The following TMEM181 variants were observed in gnomAD, a reference collection of about 807,000 sequenced individuals.
TMEM181 encodes transmembrane protein 181.
TMEM181 carries 39 observed loss-of-function variants against 71.9 expected under a neutral mutation model. The ratio of observed to expected loss-of-function variants is 0.54; its 90% CI spans 0.42 to 0.71. The LOEUF is 0.71. Ranked by LOEUF, TMEM181 falls within the 30% of genes least tolerant of loss-of-function variation. TMEM181 has a pLI of 0.00. For synonymous variants in TMEM181, 245 were observed against 228.8 expected (o/e 1.07, Z -0.64); for missense variants, 595 against 583.0 (o/e 1.02, Z -0.21).
chr6:158,565,020 G>A (rs139313990), intron 1 of TMEM181, among the ~76,000 whole-genome samples: 110 of 152,306 alleles, frequency 7.2e-4, no homozygotes, highest in Non-Finnish European at 1.1e-3. Flanking sequence ...TGCGGAGACC[G>A]AGATGAAGGT....
chr6:158,624,697 A>T (rs1391359378), intron 11 of TMEM181, among the ~76,000 whole-genome samples: 3 of 152,218 alleles, frequency 2.0e-5, no homozygotes, highest in Non-Finnish European at 4.4e-5. Flanking sequence ...CGGCGCGTGG[A>T]TTCCCAGGGC....
intron 7 of TMEM181, 88 bp downstream of exon 7, chr6:158,605,435 T>C: frequency 8.2e-7 from 1 of 1,225,362 alleles, no homozygotes; most frequent in Non-Finnish European, 1.2e-6. Context: ...GCAAGCCACA[T>C]GGAGATTGAT....
chr6:158,546,784 A>T (rs574750943), intron 1 of TMEM181, among the ~76,000 whole-genome samples: 2 of 149,794 alleles, frequency 1.3e-5, no homozygotes, highest in Admixed American at 1.3e-4. Context: ...ATGGTGTGAA[A>T]CCCCATCTCT....
intron 9 of TMEM181, 65 bp downstream of exon 9, chr6:158,608,528 A>T: frequency 6.2e-7 from 1 of 1,612,008 alleles, no homozygotes; most frequent in Non-Finnish European, 8.5e-7. Flanking sequence ...CCGAACTCTG[A>T]GGACAGCCCA....
intron 6 of TMEM181, among the ~76,000 whole-genome samples, chr6:158,599,144 C>T (rs1441271748): frequency 6.6e-6 from 1 of 152,200 alleles, no homozygotes; most frequent in Non-Finnish European, 1.5e-5. Flanking sequence ...GCCAAAGAGC[C>T]AGTCAGCTCC....
chr6:158,625,564 C>A, intron 12 of TMEM181, 139 bp from the exon 13 acceptor site: 1 of 744,614 alleles, frequency 1.3e-6, no homozygotes, highest in Non-Finnish European at 2.2e-6. Context: ...TTCTCCTAGG[C>A]TGCTGGCGAC....
intron 1 of TMEM181, among the ~76,000 whole-genome samples, chr6:158,554,035 T>C (rs1190109282): frequency 1.3e-5 from 2 of 150,622 alleles, no homozygotes; most frequent in Non-Finnish European, 3.0e-5. Flanking sequence ...TCCTCCCGAG[T>C]AGCTGGGATT....
upstream of TMEM181, among the ~76,000 whole-genome samples, chr6:158,557,195 T>G (rs568652861): frequency 8.6e-4 from 131 of 152,258 alleles, 3 homozygotes; most frequent in South Asian, 0.025. Flanking sequence ...GACAACATAG[T>G]GAAACCTTGT....
intron 8 of TMEM181, among the ~76,000 whole-genome samples, chr6:158,608,114 G>C (rs1237952763): frequency 6.6e-6 from 1 of 152,226 alleles, no homozygotes; most frequent in South Asian, 2.1e-4. Context: ...TCTGACCAGG[G>C]AGAAAAGCTG....
chr6:158,537,209 G>A (rs1427077647), intron 1 of TMEM181, among the ~76,000 whole-genome samples: 1 of 152,018 alleles, frequency 6.6e-6, no homozygotes, highest in Non-Finnish European at 1.5e-5. Flanking sequence ...GCCCCGCGTC[G>A]TTCTCCCCCC....
At chr6:158,537,144 A>G (rs6901163) in intron 1 of TMEM181, among the ~76,000 whole-genome samples, 76,733 of 151,778 alleles carry the variant, frequency 0.51, 19,687 homozygotes, top group East Asian at 0.57. Context: ...GCTGAAACCC[A>G]AGCCGAGGCT....
intron 12 of TMEM181, 132 bp from the exon 13 acceptor site, chr6:158,625,571 C>T (rs1012677989): frequency 1.6e-5 from 13 of 802,796 alleles, no homozygotes; most frequent in South Asian, 3.7e-5. Flanking sequence ...AGGCTGCTGG[C>T]GACTCCGGCT....
chr6:158,587,002 C>T (rs1397149731), intron 5 of TMEM181, among the ~76,000 whole-genome samples: 1 of 152,178 alleles, frequency 6.6e-6, no homozygotes, highest in African/African-American at 2.4e-5. Flanking sequence ...AATCTGCTCT[C>T]TTCCTATCCG....
intron 8 of TMEM181, among the ~76,000 whole-genome samples, chr6:158,607,842 C>T (rs1410510141): frequency 3.3e-5 from 5 of 152,174 alleles, no homozygotes. Context: ...GGCGGCTGTT[C>T]GGTAGTTAAA....
intron 4 of TMEM181, 57 bp from the exon 5 acceptor site, chr6:158,585,246 CT>C: frequency 6.6e-7 from 1 of 1,504,826 alleles, no homozygotes; most frequent in Admixed American, 2.3e-5. Flanking sequence ...AGGAAGGCAC[CT>C]TTGTAGGTGT....
intron 1 of TMEM181, among the ~76,000 whole-genome samples, chr6:158,550,572 C>T (rs1781688024): frequency 6.6e-6 from 1 of 151,736 alleles, no homozygotes; most frequent in South Asian, 2.1e-4. Context: ...AAGATAATTG[C>T]TTGAACTTGG....
At chr6:158,556,942 G>C (rs928923032), upstream of TMEM181, among the ~76,000 whole-genome samples, 1 of 151,982 alleles carries the variant, frequency 6.6e-6, no homozygotes, top group African/African-American at 2.4e-5. Flanking sequence ...TTTGTATTTT[G>C]TTGGCCAAGC....
At chr6:158,577,908 T>C (rs555703329) in intron 2 of TMEM181, among the ~76,000 whole-genome samples, 9 of 152,152 alleles carry the variant, frequency 5.9e-5, no homozygotes, top group Admixed American at 5.2e-4. Context: ...CTGACCAAGG[T>C]GGAGAAACCC....
intron 4 of TMEM181, 51 bp from the exon 5 acceptor site, chr6:158,585,253 G>C (rs200928050): frequency 1.6e-5 from 25 of 1,524,178 alleles, no homozygotes; most frequent in Non-Finnish European, 2.2e-5. Flanking sequence ...CACCTTTGTA[G>C]GTGTGATGTG....
Sources: gnomAD v4.1 joint callset for allele counts (sites outside exome capture counted in the v4.1 genomes callset) on GRCh38, gnomAD v4.1.1 for gene constraint, MANE v1.5 for transcripts, NCBI Gene and HGNC (gene_info 2026-07-23, HGNC 2026-07-21) for gene names.